The following GRIK2 variants were observed in gnomAD, a reference collection of about 807,000 sequenced individuals.
The protein encoded by GRIK2 is glutamate ionotropic receptor kainate type subunit 2, also known as glutamate receptor ionotropic, kainate 2.
A neutral mutation model predicts 100.3 loss-of-function variants in GRIK2; 32 were observed. That is an observed-to-expected ratio of 0.32 (90% CI 0.24 to 0.43). GRIK2 has a LOEUF of 0.43. Ranked by LOEUF, GRIK2 falls within the 20% of genes least tolerant of loss-of-function variation. The pLI, the probability that GRIK2 is intolerant of heterozygous loss-of-function variation, is 1.00. For missense variants in GRIK2, 843 were observed against 1,114.9 expected (o/e 0.76, Z 3.47); for synonymous variants, 417 against 389.4 (o/e 1.07, Z -0.83).
rs370022317 is a variant in GRIK2, at chr6:101,453,840, C to T, written c.115+54448C>T. Among the ~76,000 whole-genome samples, 8 of 152,096 alleles carry T rather than the reference C, an allele frequency of 5.3e-5. No individual in the cohort carries two copies. In the South Asian group the frequency reaches 1.7e-3, roughly 32 times the overall value. On this transcript the variant is annotated intron_variant, in intron 2 of 16. Coordinates refer to ENST00000369134, the MANE Select transcript of GRIK2 (RefSeq NM_021956.5). ...ATATATTTTGTTATATTATTTTTAA[C>T]GCCTACTTCATTGGCATGTTTCTTC...
At chr6:101,976,063 T>C (rs546016272) in intron 14 of GRIK2, among the ~76,000 whole-genome samples, 24 of 151,838 alleles carry the variant, frequency 1.6e-4, no homozygotes, top group Middle Eastern at 3.4e-3. Context: ...TGTCATTGTA[T>C]TAGAAGGAGA....
intron 7 of GRIK2, among the ~76,000 whole-genome samples, chr6:101,781,091 G>T (rs1760177933): frequency 2.0e-5 from 3 of 151,834 alleles, no homozygotes; most frequent in South Asian, 2.1e-4. Flanking sequence ...TGTTTATTTT[G>T]TTTTTTTCTA....
chr6:101,531,342 C>T (rs1302665595), intron 2 of GRIK2, among the ~76,000 whole-genome samples: 2 of 151,906 alleles, frequency 1.3e-5, no homozygotes, highest in Non-Finnish European at 2.9e-5. Flanking sequence ...TATACGTATA[C>T]ATAGGCATAC....
chr6:101,434,466 A>G (rs1458384509), intron 2 of GRIK2, among the ~76,000 whole-genome samples: 1 of 152,122 alleles, frequency 6.6e-6, no homozygotes, highest in Non-Finnish European at 1.5e-5. Flanking sequence ...TCTGACATGC[A>G]GACTTTCCTC....
chr6:101,656,939 T>C (rs539883614), intron 4 of GRIK2, among the ~76,000 whole-genome samples: 5 of 152,332 alleles, frequency 3.3e-5, no homozygotes, highest in Admixed American at 6.5e-5. Context: ...GTACTATATT[T>C]GGAGAAAGAC....
intron 4 of GRIK2, among the ~76,000 whole-genome samples, chr6:101,636,723 T>A (rs1781037632): frequency 6.6e-6 from 1 of 151,730 alleles, no homozygotes; most frequent in South Asian, 2.1e-4. Context: ...GGAGCAAGTC[T>A]TATACTAAAC....
At chr6:101,641,798 C>A (rs1167115167) in intron 4 of GRIK2, among the ~76,000 whole-genome samples, 1 of 151,888 alleles carries the variant, frequency 6.6e-6, no homozygotes, top group African/African-American at 2.4e-5. Context: ...GATCAAAAAG[C>A]ATTCACAGAG....
intron 2 of GRIK2, among the ~76,000 whole-genome samples, chr6:101,526,037 C>T (rs182013751): frequency 1.5e-3 from 228 of 152,228 alleles, no homozygotes; most frequent in Non-Finnish European, 2.5e-3. Flanking sequence ...CCAGAAGATG[C>T]GACTGAAATG....
chr6:101,416,495 C>A (rs186068325), intron 2 of GRIK2, among the ~76,000 whole-genome samples: 3 of 152,286 alleles, frequency 2.0e-5, no homozygotes, highest in Non-Finnish European at 2.9e-5. Flanking sequence ...TTCCAGGTGT[C>A]TCACTTGCTA....
In GRIK2 at chr6:102,069,908, AC is replaced by A. The variant is rs1772183090; in HGVS notation, c.*1401del. ...CTACCACCACTGCTTACCATGCCAC[AC>A]CCCTGGTTTCCACGAGGCTGACAAC... On this transcript the variant is annotated 3_prime_UTR_variant, in exon 17 of 17. Transcript: ENST00000369134. The A allele has an allele frequency of 6.6e-6, 1 of 152,000 alleles. No homozygotes were observed. Among genetic ancestry groups the A allele is most frequent in the African/African-American group, 2.4e-5 (1 of 41,422 alleles). 9.4% of individuals were successfully genotyped at this position (152,000 alleles called of 1,614,324 possible).
chr6:101,848,485 T>C (rs1783932960), intron 10 of GRIK2, among the ~76,000 whole-genome samples: 1 of 152,160 alleles, frequency 6.6e-6, no homozygotes, highest in South Asian at 2.1e-4. Flanking sequence ...AACATTTGTT[T>C]CATGAATGTA....
intron 2 of GRIK2, among the ~76,000 whole-genome samples, chr6:101,456,930 T>G (rs1261299642): frequency 3.9e-5 from 6 of 152,132 alleles, no homozygotes; most frequent in African/African-American, 1.2e-4. Flanking sequence ...AGATAATTAT[T>G]TCTGGATTCT....
intron 4 of GRIK2, among the ~76,000 whole-genome samples, chr6:101,666,730 A>C (rs549272372): frequency 1.5e-4 from 23 of 152,362 alleles, no homozygotes; most frequent in Non-Finnish European, 2.5e-4. Context: ...GCCAGCGTAC[A>C]GACAGTGTAT....
At chr6:101,924,183 TATG>T (rs1430757365) in intron 12 of GRIK2, among the ~76,000 whole-genome samples, 2 of 152,152 alleles carry the variant, frequency 1.3e-5, no homozygotes, top group African/African-American at 2.4e-5. Context: ...GCAAAATTCT[TATG>T]ATGATTTTAT....
At chr6:101,629,658 A>G (rs1780624823) in intron 4 of GRIK2, among the ~76,000 whole-genome samples, 1 of 152,136 alleles carries the variant, frequency 6.6e-6, no homozygotes, top group African/African-American at 2.4e-5. Flanking sequence ...ATGTATTTAT[A>G]AATATATAGT....
intron 10 of GRIK2, among the ~76,000 whole-genome samples, chr6:101,837,885 A>G (rs1380060953): frequency 1.3e-5 from 2 of 152,118 alleles, no homozygotes; most frequent in African/African-American, 4.8e-5. Flanking sequence ...TTTAGTGTCA[A>G]TTCTTCAAAA....
chr6:101,503,643 G>C (rs966102634), intron 2 of GRIK2, among the ~76,000 whole-genome samples: 3 of 152,094 alleles, frequency 2.0e-5, no homozygotes, highest in Non-Finnish European at 4.4e-5. Flanking sequence ...GGGTAACTTT[G>C]TAAATTTTGC....
chr6:101,680,716 G>A (rs1771179997), intron 5 of GRIK2, among the ~76,000 whole-genome samples: 1 of 152,086 alleles, frequency 6.6e-6, no homozygotes. Context: ...ATAATATTGA[G>A]CTGTCATTGA....
rs1262456592 is a variant in GRIK2 at position 101,909,379 on chromosome 6, T to TTTTTTG, written c.1749-15220_1749-15219insTTTGTT. Among the ~76,000 whole-genome samples, 154 of 82,052 alleles carry TTTTTTG rather than the reference T, an allele frequency of 1.9e-3. 14 individuals carry two copies. The East Asian group carries it at 0.063, about 34-fold the overall frequency. 53.8% of individuals were successfully genotyped at this position (82,052 alleles called of 152,430 possible). On this transcript the variant is annotated intron_variant, in intron 12 of 16. Coordinates refer to ENST00000369134, the MANE Select transcript of GRIK2 (RefSeq NM_021956.5). ...TGCTGAAGGAAGATAGGGTTTTCTT[T>TTTTTTG]TTCTTTTTTTTTTTTTTAAAGATCA...
Sources: allele counts gnomAD v4.1 joint callset (sites outside exome capture counted in the v4.1 genomes callset), GRCh38; gene constraint gnomAD v4.1.1; transcripts MANE v1.5; gene names NCBI Gene and HGNC (gene_info 2026-07-23, HGNC 2026-07-21).